The following ZNF487 variants were observed in gnomAD, a reference collection of about 807,000 sequenced individuals.
ZNF487 encodes KRAB domain only 1.
Under a neutral mutation model 3.0 loss-of-function variants are expected in ZNF487, and 4 were observed. That is an observed-to-expected ratio of 1.35 (90% confidence interval 0.66 to 3.08). The LOEUF (loss-of-function observed/expected upper bound fraction) is 3.08, where lower values mean the gene tolerates loss of function less well. Ranked by LOEUF, ZNF487 falls within the 30% of genes most tolerant of loss-of-function variation. ZNF487 has a pLI of 0.01. For synonymous variants in ZNF487, 55 were observed against 34.6 expected, an observed-to-expected ratio of 1.59 and a Z score of -2.06; for missense variants, 146 against 98.7, an observed-to-expected ratio of 1.48 and a Z score of -2.03.
rs1421204843 is a variant in ZNF487, at chr10:43,475,839, T to G, written c.26T>G (p.Leu9Arg). 2 of 777,316 alleles carry G rather than the reference T, an allele frequency of 2.6e-6. No individual in the cohort carries two copies. Among genetic ancestry groups the G allele is most frequent in the Non-Finnish European group, 4.8e-6 (2 of 416,712 alleles). The allele number at this position is 777,316 out of a possible 1,614,324, so 48.2% of individuals were successfully genotyped here. A position where few individuals can be genotyped will look rare whatever the true frequency, so the allele number is the denominator to read the frequency against. Residue 9 changes from leucine (L) to arginine (R), a missense_variant, in exon 2 of 4, where the codon CTC (leucine) becomes CGC (arginine). Coordinates refer to ENST00000437590, the MANE Select transcript of ZNF487 (RefSeq NM_001355444.3). ...ATGCTGGAGAACTACAGCCTCCTCC[T>G]CTCAGTGGGTAAGGATTATGTAATT... is the stretch of plus-strand genomic sequence containing the variant. MLENYSLL[L>R]SVGYCITKPE...
chr10:43,488,018 G>A (rs1202583334), downstream of ZNF487, among the ~76,000 whole-genome samples: 2 of 150,714 alleles, frequency 1.3e-5, no homozygotes, highest in Admixed American at 1.3e-4. Flanking sequence ...CAGGAGAATT[G>A]CTTAAACAGG....
chr10:43,504,126 G>T, the ZNF487 span, among the ~76,000 whole-genome samples: 1 of 152,060 alleles, frequency 6.6e-6, no homozygotes, highest in Admixed American at 6.6e-5. Flanking sequence ...TCTCAGAAAT[G>T]TGTCACTGTC....
chr10:43,446,345 T>C (rs1400685276), intron 1 of ZNF487, among the ~76,000 whole-genome samples: 1 of 149,176 alleles, frequency 6.7e-6, no homozygotes, highest in African/African-American at 2.5e-5. Flanking sequence ...GCGGAGACTC[T>C]CCTCACTTCC....
At chr10:43,494,765 CAAAAAAA>C in the ZNF487 span, among the ~76,000 whole-genome samples, 1 of 35,774 alleles carries the variant, frequency 2.8e-5, no homozygotes, top group Non-Finnish European at 5.7e-5. Flanking sequence ...ACTAAAAATA[CAAAAAAA>C]AAAAAAAAAA....
the ZNF487 span, among the ~76,000 whole-genome samples, chr10:43,506,944 C>T: frequency 6.6e-6 from 1 of 152,180 alleles, no homozygotes; most frequent in Non-Finnish European, 1.5e-5. Flanking sequence ...TGGTGGATAA[C>T]TGGCTCCATG....
chr10:43,441,358 C>T (rs113348854), intron 1 of ZNF487, among the ~76,000 whole-genome samples: 2,103 of 151,742 alleles, frequency 0.014, 37 homozygotes, highest in African/African-American at 0.045. Flanking sequence ...TTCCGCCTCC[C>T]GGGTTCCAGC....
chr10:43,458,294 A>T (rs1840295309), intron 1 of ZNF487, among the ~76,000 whole-genome samples: 1 of 152,228 alleles, frequency 6.6e-6, no homozygotes, highest in Non-Finnish European at 1.5e-5. Context: ...TATATGTAAG[A>T]TGAACATTGG....
intron 1 of ZNF487, among the ~76,000 whole-genome samples, chr10:43,440,774 G>T (rs1169970976): frequency 6.6e-6 from 1 of 151,628 alleles, no homozygotes; most frequent in Non-Finnish European, 1.5e-5. Flanking sequence ...TCAACTTTAT[G>T]CTTGTCACTT....
chr10:43,486,728 A>G (rs1174817405), downstream of ZNF487, among the ~76,000 whole-genome samples: 1 of 152,224 alleles, frequency 6.6e-6, no homozygotes, highest in Non-Finnish European at 1.5e-5. Flanking sequence ...ATCTTTTTAT[A>G]TAGCCAAATA....
chr10:43,516,891 C>T, the ZNF487 span, among the ~76,000 whole-genome samples: 6 of 152,180 alleles, frequency 3.9e-5, no homozygotes, highest in Non-Finnish European at 8.8e-5. Context: ...GGCTAATATG[C>T]CCTGTTCAGA....
the ZNF487 span, among the ~76,000 whole-genome samples, chr10:43,518,383 T>C: frequency 1.3e-5 from 2 of 152,168 alleles, no homozygotes; most frequent in African/African-American, 2.4e-5. Context: ...GCTACAGACA[T>C]TGACTGAATT....
the ZNF487 span, among the ~76,000 whole-genome samples, chr10:43,522,504 T>C: frequency 3.9e-5 from 6 of 152,146 alleles, no homozygotes; most frequent in South Asian, 1.2e-3. Context: ...GAGGCTGAGG[T>C]GGTAGGTTTA....
chr10:43,452,387 C>T (rs1840039633), intron 1 of ZNF487: 2 of 152,260 alleles, frequency 1.3e-5, no homozygotes, highest in African/African-American at 4.8e-5. Flanking sequence ...GTCTCTCTTC[C>T]CTGCTCTCAA....
intron 1 of ZNF487, among the ~76,000 whole-genome samples, chr10:43,455,953 C>T (rs1157879928): frequency 2.0e-5 from 3 of 152,382 alleles, no homozygotes; most frequent in African/African-American, 7.2e-5. Flanking sequence ...CACCGCTCTG[C>T]TTGCCCACTA....
chr10:43,497,542 G>A, the ZNF487 span, among the ~76,000 whole-genome samples: 13 of 152,178 alleles, frequency 8.5e-5, no homozygotes, highest in Non-Finnish European at 1.5e-4. Flanking sequence ...CAGTGATGGC[G>A]CCTGCACTAG....
chr10:43,479,720 T>C (rs1278857037), intron 3 of ZNF487, among the ~76,000 whole-genome samples: 1 of 152,176 alleles, frequency 6.6e-6, no homozygotes, highest in Non-Finnish European at 1.5e-5. Context: ...TGATCTCATC[T>C]CACTGCAACC....
intron 1 of ZNF487, among the ~76,000 whole-genome samples, chr10:43,461,778 A>G (rs1164407608): frequency 6.6e-6 from 1 of 152,184 alleles, no homozygotes; most frequent in Non-Finnish European, 1.5e-5. Context: ...GCTTTTCTTT[A>G]TGAATAATTT....
At chr10:43,453,652 A>G (rs1840079262) in intron 1 of ZNF487, 1 of 152,190 alleles carries the variant, frequency 6.6e-6, no homozygotes, top group Non-Finnish European at 1.5e-5. Context: ...CCGAATAACA[A>G]ACTTACAGTG....
At chr10:43,515,128 G>C in the ZNF487 span, among the ~76,000 whole-genome samples, 1 of 152,142 alleles carries the variant, frequency 6.6e-6, no homozygotes, top group Non-Finnish European at 1.5e-5. Context: ...CAAACTTTGT[G>C]TTCTTTCCAC....
Sources: gnomAD v4.1 joint callset for allele counts (sites outside exome capture counted in the v4.1 genomes callset) on GRCh38, gnomAD v4.1.1 for gene constraint, MANE v1.5 for transcripts, NCBI Gene and HGNC (gene_info 2026-07-23, HGNC 2026-07-21) for gene names.